PCNX3: variants seen among roughly 807,000 people sequenced by gnomAD.
PCNX3 encodes pecanex-like protein 3.
PCNX3 carries 58 observed loss-of-function variants against 207.2 expected under a neutral mutation model. The observed-to-expected ratio is 0.28, with a 90% CI of 0.23 to 0.35. PCNX3 has a LOEUF of 0.35. PCNX3 is among the 10% of genes least tolerant of loss of function. PCNX3 has a pLI of 1.00. For synonymous variants in PCNX3, 1,337 were observed against 1,183.5 expected, an observed-to-expected ratio of 1.13 and a Z score of -2.66; for missense variants, 2,410 against 2,774.4, an observed-to-expected ratio of 0.87 and a Z score of 2.95.
At position 65,621,332 on chromosome 11, in the gene PCNX3, G is replaced by A. The variant is rs555693776; in HGVS notation, c.2235+366G>A. On this transcript the variant is annotated intron_variant, in intron 10 of 34. Coordinates refer to ENST00000355703, the MANE Select transcript of PCNX3 (RefSeq NM_032223.4). ...GTGCTGCCCTGCATACACTGTGCAC[G>A]TGTGGCTGCTGGGGTGCTCTCTGTT... Among the ~76,000 whole-genome samples, 11 of 152,314 alleles carry A rather than the reference G, an allele frequency of 7.2e-5. No homozygotes were observed. The East Asian group carries it at 1.5e-3, about 21-fold the overall frequency.
intron 23 of PCNX3, 44 bp from the exon 24 acceptor site, chr11:65,628,775 G>GGAGGGGGGGGGGGGGGGGGGC: frequency 6.7e-7 from 1 of 1,500,494 alleles, no homozygotes. Context: ...GTGGTGGGGG[G>GGAGGGGGGGGGGGGGGGGGGC]CTGGGAGGTC....
chr11:65,629,479 CTTG>C, intron 25 of PCNX3, 38 bp from the exon 26 acceptor site: 1 of 1,612,048 alleles, frequency 6.2e-7, no homozygotes, highest in Non-Finnish European at 8.5e-7. Flanking sequence ...GCCTCGCTAA[CTTG>C]TCACTTTGTC....
At chr11:65,626,470 A>G (rs539942659) in intron 20 of PCNX3, 14 of 393,140 alleles carry the variant, frequency 3.6e-5, no homozygotes, top group South Asian at 2.8e-4. Context: ...GATTTGAGAT[A>G]TGAAGATCCA....
chr11:65,635,656 C>T lies in PCNX3; in HGVS notation c.5312C>T (p.Ser1771Phe), dbSNP rs752957971. 6.2e-7 allele frequency: 1 copy of T among 1,612,628 alleles called. No individual in the cohort carries two copies. Among genetic ancestry groups the T allele is most frequent in the South Asian group, 1.1e-5 (1 of 91,040 alleles). The change falls in exon 32 of 35, where the codon TCC (serine) becomes TTC (phenylalanine). Residue 1771 changes from serine to phenylalanine, a missense_variant. Transcript: ENST00000355703. The surrounding 1 kb of genome is among the most constrained non-coding windows in gnomAD (Gnocchi z 9.9). ...CAGGCGCTTCGCAACATGATCAACT[C>T]CTCCTGTGACCAGCCGCTGGGCTAC... ...AKQALRNMIN[S>F]SCDQPLGYPI...
At chr11:65,634,728 C>A in intron 29 of PCNX3, 87 bp downstream of exon 29, 1 of 1,331,532 alleles carries the variant, frequency 7.5e-7, no homozygotes, top group Non-Finnish European at 1.0e-6. Flanking sequence ...GCCACAGTGG[C>A]CACAGAAACT....
chr11:65,635,196 CT>C lies in PCNX3; in HGVS notation c.4954-21del, dbSNP rs773939404. The C allele has an allele frequency of 1.9e-6, 3 of 1,592,950 alleles. No individual in the cohort carries two copies. The highest frequency in any genetic ancestry group is 2.2e-5 in the South Asian group (2 of 88,908). On this transcript the variant is annotated intron_variant, in intron 30 of 34. Transcript: ENST00000355703. The surrounding 1 kb of genome is among the most constrained non-coding windows in gnomAD (Gnocchi z 9.9). The stretch of plus-strand genomic sequence containing the variant: ...TCTCCAGGGCAGGGGCCACTGACCC[CT>C]GTTCCCGTCTTCTCTACCAGGACCA...
At chr11:65,617,572 CA>C (rs750900907) in intron 4 of PCNX3, 38 bp from the exon 5 acceptor site, 14 of 1,613,666 alleles carry the variant, frequency 8.7e-6, no homozygotes, top group Admixed American at 5.0e-5. Flanking sequence ...CGTGCTGTGC[CA>C]GGGGGTCCTG....
Position 65,635,319 on chromosome 11 carries a change from A to C in PCNX3, c.5055A>C (p.Pro1685=), listed in dbSNP as rs1248260077. 1.2e-6 allele frequency: 2 copies of C among 1,601,466 alleles called. No homozygotes were observed. Among genetic ancestry groups the C allele is most frequent in the Non-Finnish European group, 1.7e-6 (2 of 1,175,088 alleles). ...TGGTCATCTCACATGAGGGTGACCC[A>C]GCATGGCGCAGCGCCATCCTCAGCA... ...ERLVISHEGD[P]AWRSAILSNT... Residue 1685 remains proline (P), a synonymous_variant, in exon 31 of 35, where the codon CCA becomes CCC. Coordinates refer to ENST00000355703, the MANE Select transcript of PCNX3 (RefSeq NM_032223.4). This position sits in a 1 kb window ranked among gnomAD's most constrained non-coding sequence, Gnocchi z 9.9.
chr11:65,635,747 G>T lies in PCNX3; in HGVS notation c.5403G>T (p.Trp1801Cys). The change falls in exon 32 of 35, where the codon TGG (tryptophan) becomes TGT (cysteine). Residue 1801 changes from tryptophan to cysteine, a missense_variant. Trp to Cys is a radical substitution (Grantham distance 215). Around this residue, in one of 8 missense-constraint regions of PCNX3, gnomAD observed 59 missense variants for 83.9 expected, o/e 0.70. Transcript: ENST00000355703. This position sits in a 1 kb window ranked among gnomAD's most constrained non-coding sequence, Gnocchi z 9.9. ...AGSHPQLRAL[W>C]GGPISLGAIA... is the part of the protein sequence containing the mutation. ...GCCACCCCCAGCTACGGGCACTGTG[G>T]GGTGGCCCCATCAGCCTGGGTGCCA... is the stretch of plus-strand genomic sequence containing the variant. 1 of 1,603,652 alleles carries T rather than the reference G, an allele frequency of 6.2e-7. No homozygotes were observed.
intron 22 of PCNX3, among the ~76,000 whole-genome samples, chr11:65,628,369 GT>G (rs1220157616): frequency 6.6e-6 from 1 of 152,212 alleles, no homozygotes; most frequent in South Asian, 2.1e-4. Context: ...CAGGGTACTT[GT>G]GTGAACTAAA....
Position 65,635,375 on chromosome 11 carries a change from T to C in PCNX3, c.5111T>C (p.Val1704Ala). Residue 1704 changes from valine to alanine, a missense_variant, in exon 31 of 35, where the codon GTC (valine) becomes GCC (alanine). By Grantham distance (64) the Val-to-Ala change is moderately conservative (BLOSUM62 0). Around this residue, in one of 8 missense-constraint regions of PCNX3, gnomAD observed 420 missense variants for 705.3 expected, o/e 0.60. Coordinates refer to ENST00000355703, the MANE Select transcript of PCNX3 (RefSeq NM_032223.4). The surrounding 1 kb of genome is among the most constrained non-coding windows in gnomAD (Gnocchi z 9.9). ...CCCTCCCTGCTGGCGCTGCGCCATG[T>C]CCTGGATGATGCCTCCGACGAGTAC... Reference protein sequence around the residue: ...NTPSLLALRHVLDDASDEYKI... With the variant: ...NTPSLLALRHALDDASDEYKI... The C allele has an allele frequency of 6.2e-7, 1 of 1,612,172 alleles. No homozygotes were observed. The highest frequency in any genetic ancestry group is 8.5e-7 in the Non-Finnish European group (1 of 1,179,608).
At chr11:65,621,773 C>T (rs1263249216) in intron 10 of PCNX3, among the ~76,000 whole-genome samples, 1 of 152,250 alleles carries the variant, frequency 6.6e-6, no homozygotes, top group Non-Finnish European at 1.5e-5. Context: ...AAGTCATGTG[C>T]CCAGGGCCTC....
At chr11:65,621,686 A>T (rs1855112047) in intron 10 of PCNX3, among the ~76,000 whole-genome samples, 2 of 152,106 alleles carry the variant, frequency 1.3e-5, no homozygotes, top group African/African-American at 4.8e-5. Flanking sequence ...TTATCCTTGG[A>T]TCCCAGGGCA....
intron 2 of PCNX3, 105 bp from the exon 3 acceptor site, chr11:65,617,145 G>A (rs1404736256): frequency 2.3e-5 from 32 of 1,398,106 alleles, no homozygotes; most frequent in Non-Finnish European, 2.7e-5. Flanking sequence ...GTTAGCCCTG[G>A]AATTGTAAAG....
intron 1 of PCNX3, 88 bp downstream of exon 1, chr11:65,616,552 G>C: frequency 1.4e-6 from 2 of 1,416,342 alleles, no homozygotes; most frequent in Non-Finnish European, 1.9e-6. Context: ...GCTCTGGGAC[G>C]TGGAGAGAGA....
Position 65,619,390 on chromosome 11 carries a change from T to C in PCNX3, c.1706-147T>C, listed in dbSNP as rs1446098164. 5 of 1,420,418 alleles carry C rather than the reference T, an allele frequency of 3.5e-6. No homozygotes were observed. The African/African-American group carries it at 4.3e-5, about 12-fold the overall frequency. 88.0% of individuals were successfully genotyped at this position (1,420,418 alleles called of 1,614,324 possible). A position where few individuals can be genotyped will look rare whatever the true frequency, so the allele number is the denominator to read the frequency against. Reference sequence around the variant, plus strand: ...TGTTTGCAAGTAAGGAAACTGAGCATGGGGCTGTGTGACCTGGCTGGGCCT... The same window carrying C: ...TGTTTGCAAGTAAGGAAACTGAGCACGGGGCTGTGTGACCTGGCTGGGCCT... On this transcript the variant is annotated intron_variant, in intron 6 of 34. Transcript: ENST00000355703.
chr11:65,623,460 CG>C, intron 11 of PCNX3, 30 bp from the exon 12 acceptor site: 2 of 1,553,330 alleles, frequency 1.3e-6, no homozygotes, highest in Non-Finnish European at 8.7e-7. Flanking sequence ...TGAGGCAAGA[CG>C]GGCACGCCCT....
intron 20 of PCNX3, 176 bp from the exon 21 acceptor site, chr11:65,626,728 G>T: frequency 1.2e-6 from 1 of 806,422 alleles, no homozygotes; most frequent in Non-Finnish European, 1.9e-6. Flanking sequence ...TAAGTGCCAT[G>T]TGGAGCCCTT....
Position 65,627,470 on chromosome 11 carries a change from C to T in PCNX3, c.3590C>T (p.Pro1197Leu). The stretch of plus-strand genomic sequence containing the variant: ...CTGCGCTCAGCCTTCTGCTGCCCCC[C>T]ACAGCAGTACCTGACGTTGGCCTTC... ...KLLRSAFCCPPQQYLTLAFTV... is the reference protein window; with the variant it reads ...KLLRSAFCCPLQQYLTLAFTV... Residue 1197 changes from proline (P) to leucine (L), a missense_variant, in exon 22 of 35, where the codon CCA (proline) becomes CTA (leucine). Transcript: ENST00000355703. 2.5e-6 allele frequency: 4 copies of T among 1,613,678 alleles called. No homozygotes were observed. The highest frequency in any genetic ancestry group is 2.5e-6 in the Non-Finnish European group (3 of 1,179,876).
Sources: allele counts gnomAD v4.1 joint callset (sites outside exome capture counted in the v4.1 genomes callset), GRCh38; gene constraint gnomAD v4.1.1; regional missense constraint gnomAD v4.1.1; non-coding constraint Gnocchi (gnomAD v3.1); transcripts MANE v1.5; gene names NCBI Gene and HGNC (gene_info 2026-07-23, HGNC 2026-07-21).